KRT86: variants seen among roughly 807,000 people sequenced by gnomAD.
KRT86 encodes keratin, type II cuticular Hb6.
Under a neutral mutation model 41.2 loss-of-function variants are expected in KRT86, and 30 were observed. The ratio of observed to expected loss-of-function variants is 0.73; its 90% confidence interval spans 0.54 to 0.99. The LOEUF is 0.99. Ranked by LOEUF, KRT86 falls within the 50% of genes least tolerant of loss-of-function variation. The pLI is 0.00. For synonymous variants in KRT86, 238 were observed against 238.1 expected (o/e 1.00, Z 0.00); for missense variants, 561 against 571.4 (o/e 0.98, Z 0.19).
At position 52,308,744 on chromosome 12, in the gene KRT86, C is replaced by G. The variant is rs985846154; in HGVS notation, c.*159C>G. The stretch of plus-strand genomic sequence containing the variant: ...ACCGCTCCGCTCCGGGAGCCATCCC[C>G]GGTCGCAGGAGTCCGGGGAGGGCCG... On this transcript the variant is annotated 3_prime_UTR_variant, in exon 11 of 11. Transcript: ENST00000423955. The G allele has an allele frequency of 7.3e-6, 5 of 681,942 alleles. No homozygotes were observed. The highest frequency in any genetic ancestry group is 5.5e-5 in the East Asian group (2 of 36,180). 42.2% of individuals were successfully genotyped at this position (681,942 alleles called of 1,614,324 possible). A position where few individuals can be genotyped will look rare whatever the true frequency, so the allele number is the denominator to read the frequency against.
Position 52,306,144 on chromosome 12 carries a change from C to G in KRT86, c.1111C>G (p.Leu371Val). The part of the protein sequence containing the change: ...LSDARCKLAE[L>V]EGALQKAKQD... ...CGATGCCCGCTGCAAGTTGGCCGAG[C>G]TGGAGGGTGCCCTGCAGAAGGCCAA... is the stretch of plus-strand genomic sequence containing the variant. The change falls in exon 9 of 11, where the codon CTG becomes GTG. Residue 371 changes from leucine (L) to valine (V), a missense_variant. Around this residue, in one of 3 missense-constraint regions of KRT86, gnomAD observed 397 missense variants for 375.9 expected, o/e 1.06. Coordinates refer to ENST00000423955, the MANE Select transcript of KRT86 (RefSeq NM_001320198.2). The G allele has an allele frequency of 6.2e-7, 1 of 1,613,956 alleles. No individual in the cohort carries two copies. Among genetic ancestry groups the G allele is most frequent in the East Asian group, 2.2e-5 (1 of 44,858 alleles).
In KRT86 at chr12:52,308,406, G is replaced by A. The variant is rs763403025; in HGVS notation, c.1282G>A (p.Val428Ile). ...GCCTCCGTCTCTTTCCCCTGCAGGCGTCAGCAGCTCCCGCGGTGGCGTTGT... is the reference window on the plus strand; with the variant it reads ...GCCTCCGTCTCTTTCCCCTGCAGGCATCAGCAGCTCCCGCGGTGGCGTTGT... ...CEGVGSVNVC[V>I]SSSRGGVVCG... Residue 428 changes from valine to isoleucine, a missense_variant and splice_region_variant, in exon 11 of 11, where the codon GTC (valine) becomes ATC (isoleucine). Val to Ile is a conservative substitution (Grantham distance 29). Transcript: ENST00000423955. The A allele has an allele frequency of 1.2e-6, 2 of 1,611,486 alleles. No individual in the cohort carries two copies. Among genetic ancestry groups the A allele is most frequent in the Admixed American group, 1.7e-5 (1 of 59,754 alleles).
At chr12:52,288,520 C>T in intron 2 of KRT86, 1 of 1,582,554 alleles carries the variant, frequency 6.3e-7, no homozygotes, top group Non-Finnish European at 8.7e-7. Context: ...ACTCCTCTCT[C>T]TGCCCATCCA....
rs994145232 is a variant in KRT86, at chr12:52,288,233, G to A, written c.-5+12287G>A. 4.4e-6 allele frequency: 7 copies of A among 1,594,588 alleles called. No homozygotes were observed. The Admixed American group carries it at 8.5e-5, about 19-fold the overall frequency. ...ACTCCACCTCCTCAGGCTTTCTCTG[G>A]TCCCCAACCCTGCCCCCTCACACAG... On this transcript the variant is annotated intron_variant, in intron 2 of 10. Coordinates refer to ENST00000423955, the MANE Select transcript of KRT86 (RefSeq NM_001320198.2).
intron 2 of KRT86, chr12:52,286,591 G>T: frequency 7.5e-7 from 1 of 1,337,758 alleles, no homozygotes; most frequent in Non-Finnish European, 1.0e-6. Flanking sequence ...GGTATGAAAA[G>T]TCAGAAGCAT....
In KRT86 at chr12:52,302,042, C is replaced by G. The variant is rs755794129; in HGVS notation, c.126C>G (p.Thr42=). Residue 42 remains threonine (T), a synonymous_variant, in exon 3 of 11, where the codon ACC becomes ACG. Coordinates refer to ENST00000423955, the MANE Select transcript of KRT86 (RefSeq NM_001320198.2). ...GCATCTCCTGCTACCGCGGCCTCAC[C>G]GGGGGCTTCGGCAGCCACAGCGTGT... is the stretch of plus-strand genomic sequence containing the variant. The part of the protein sequence containing the change: ...YRGISCYRGL[T]GGFGSHSVCG... 7.5e-6 allele frequency: 12 copies of G among 1,607,758 alleles called. No homozygotes were observed. The highest frequency in any genetic ancestry group is 1.0e-5 in the Non-Finnish European group (12 of 1,177,754).
chr12:52,287,052 G>A, intron 2 of KRT86: 1 of 1,612,324 alleles, frequency 6.2e-7, no homozygotes, highest in African/African-American at 1.3e-5. Context: ...GGGTAGGCTT[G>A]TGCCAGGGAT....
chr12:52,302,847 G>GT (rs1565748171), intron 3 of KRT86, among the ~76,000 whole-genome samples: 4 of 146,524 alleles, frequency 2.7e-5, no homozygotes, highest in South Asian at 2.3e-4. Flanking sequence ...GGGGTGGGGG[G>GT]GGGGTCACTC....
chr12:52,304,464 T>C (rs1263964275), intron 5 of KRT86, among the ~76,000 whole-genome samples: 53 of 148,120 alleles, frequency 3.6e-4, no homozygotes, highest in African/African-American at 1.3e-3. Context: ...CCTGGAGCCA[T>C]AGCAGATACA....
chr12:52,301,761 A>G, intron 2 of KRT86, 152 bp from the exon 3 acceptor site: 4 of 1,493,002 alleles, frequency 2.7e-6, no homozygotes, highest in Non-Finnish European at 3.7e-6. Flanking sequence ...AAGCCCATAA[A>G]GCCTTCTAAT....
chr12:52,284,195 T>C (rs1485878361), intron 2 of KRT86, among the ~76,000 whole-genome samples: 1 of 152,100 alleles, frequency 6.6e-6, no homozygotes, highest in African/African-American at 2.4e-5. Flanking sequence ...CTGCTTCTTG[T>C]TTTTTTATTT....
At chr12:52,289,981 T>C in intron 2 of KRT86, 1 of 44,050 alleles carries the variant, frequency 2.3e-5, no homozygotes, top group Non-Finnish European at 4.3e-5. Context: ...CTAGTGGTCA[T>C]GGCCACTCAC....
At chr12:52,286,397 C>T (rs1937935391) in intron 2 of KRT86, 1 of 1,555,022 alleles carries the variant, frequency 6.4e-7, no homozygotes, top group Non-Finnish European at 8.7e-7. Context: ...CGCCACGTTC[C>T]CGTTGCACGG....
Position 52,298,492 on chromosome 12 carries a change from C to T in KRT86, c.-4-3421C>T, listed in dbSNP as rs371848568. Among the ~76,000 whole-genome samples the T allele has an allele frequency of 7.2e-5, 11 of 152,288 alleles. No homozygotes were observed. In the East Asian group the frequency reaches 9.6e-4, roughly 13 times the overall value. ...GTATATCCCATCAATGCTGTTGATA[C>T]GTCTGCAGCAGCAGCATCAGCAGCA... On this transcript the variant is annotated intron_variant, in intron 2 of 10. Transcript: ENST00000423955.
At chr12:52,304,618 G>A (rs1416558183) in intron 5 of KRT86, among the ~76,000 whole-genome samples, 5 of 151,976 alleles carry the variant, frequency 3.3e-5, no homozygotes, top group East Asian at 1.9e-4. Context: ...TGGGGGACAG[G>A]AAAGGGTCAG....
Position 52,302,130 on chromosome 12 carries a change from G to A in KRT86, c.214G>A (p.Gly72Arg), listed in dbSNP as rs1257245996. Residue 72 changes from glycine to arginine, a missense_variant, in exon 3 of 11, where the codon GGG becomes AGG. By Grantham distance (125) the Gly-to-Arg change is moderately radical (BLOSUM62 -2). Transcript: ENST00000423955. Reference protein sequence around the residue: ...SFGYRSGGVCGPSPPCITTVS... With the variant: ...SFGYRSGGVCRPSPPCITTVS... The stretch of plus-strand genomic sequence containing the variant: ...CGGCTACCGCTCCGGGGGCGTGTGC[G>A]GGCCCAGTCCCCCATGCATCACCAC... The A allele has an allele frequency of 1.3e-6, 2 of 1,532,900 alleles. No individual in the cohort carries two copies. Among genetic ancestry groups the A allele is most frequent in the South Asian group, 2.4e-5 (2 of 84,644 alleles). The allele number at this position is 1,532,900 out of a possible 1,614,324, so 95.0% of individuals were successfully genotyped here. A position where few individuals can be genotyped will look rare whatever the true frequency, so the allele number is the denominator to read the frequency against.
chr12:52,306,336 T>C, intron 9 of KRT86, 56 bp downstream of exon 9: 1 of 1,611,802 alleles, frequency 6.2e-7, no homozygotes, highest in South Asian at 1.1e-5. Context: ...CAGTGTGCTC[T>C]GTCCTCACAC....
chr12:52,291,252 C>G, intron 2 of KRT86: 1 of 1,516,156 alleles, frequency 6.6e-7, no homozygotes, highest in Non-Finnish European at 8.8e-7. Flanking sequence ...GGACTGGGCC[C>G]GCACACGCCC....
chr12:52,299,405 G>A (rs1024993106), intron 2 of KRT86, among the ~76,000 whole-genome samples: 3 of 152,152 alleles, frequency 2.0e-5, no homozygotes, highest in Non-Finnish European at 2.9e-5. Context: ...TGCAATAAAC[G>A]TGGGAGTGCA....
Sources: gnomAD v4.1 joint callset for allele counts (sites outside exome capture counted in the v4.1 genomes callset) on GRCh38, gnomAD v4.1.1 for gene constraint, gnomAD v4.1.1 regional missense constraint, MANE v1.5 for transcripts, NCBI Gene and HGNC (gene_info 2026-07-23, HGNC 2026-07-21) for gene names.